The following COLEC12 variants were observed in gnomAD, a reference collection of about 807,000 sequenced individuals.
The protein encoded by COLEC12 is collectin-12.
In COLEC12, 33 loss-of-function variants were observed where a neutral mutation model predicts 71.1. That is an observed-to-expected ratio of 0.46 (90% CI 0.35 to 0.62). The LOEUF (loss-of-function observed/expected upper bound fraction) is 0.62. COLEC12 is among the 20% of genes least tolerant of loss of function. The pLI, the probability that COLEC12 is intolerant of heterozygous loss-of-function variation, is 0.00. For synonymous variants in COLEC12, 350 were observed against 353.0 expected, an observed-to-expected ratio of 0.99 and a Z score of 0.10; for missense variants, 765 against 916.1, an observed-to-expected ratio of 0.84 and a Z score of 2.13.
At chr18:352,791 A>C (rs912877605) in intron 3 of COLEC12, among the ~76,000 whole-genome samples, 1 of 152,186 alleles carries the variant, frequency 6.6e-6, no homozygotes, top group Non-Finnish European at 1.5e-5. Context: ...ACCAATTCTC[A>C]ATCAGGAATA....
intron 2 of COLEC12, among the ~76,000 whole-genome samples, chr18:394,253 G>A (rs1915522084): frequency 6.6e-6 from 1 of 152,236 alleles, no homozygotes; most frequent in South Asian, 2.1e-4. Flanking sequence ...AGAAAGGAGG[G>A]TGGGAGGCAA....
At chr18:340,551 C>T (rs1046495701) in intron 5 of COLEC12, among the ~76,000 whole-genome samples, 1 of 152,328 alleles carries the variant, frequency 6.6e-6, no homozygotes, top group Non-Finnish European at 1.5e-5. Flanking sequence ...AGCCCAGTTT[C>T]CTACCCAAGA....
intron 2 of COLEC12, among the ~76,000 whole-genome samples, chr18:372,342 C>A (rs1395176616): frequency 6.6e-6 from 1 of 152,182 alleles, no homozygotes; most frequent in African/African-American, 2.4e-5. Context: ...GCAATCCAAA[C>A]CCTTGAAGTT....
intron 2 of COLEC12, among the ~76,000 whole-genome samples, chr18:429,620 G>C (rs936605429): frequency 6.6e-6 from 1 of 151,988 alleles, no homozygotes; most frequent in African/African-American, 2.4e-5. Context: ...GACCTCAAGC[G>C]AACCGCCCCC....
intron 1 of COLEC12, among the ~76,000 whole-genome samples, chr18:494,732 T>A (rs1169636238): frequency 1.3e-5 from 2 of 152,220 alleles, no homozygotes; most frequent in Non-Finnish European, 2.9e-5. Context: ...TCCTAACATT[T>A]CTCTGTCATA....
At chr18:498,363 C>CTTTTCTTTTTTT (rs1917752250) in intron 1 of COLEC12, among the ~76,000 whole-genome samples, 1 of 100,762 alleles carries the variant, frequency 9.9e-6, no homozygotes, top group Non-Finnish European at 1.9e-5. Flanking sequence ...TATTTTTTTT[C>CTTTTCTTTTTTT]TTTTTTTTTT....
chr18:406,260 A>G (rs1163567566), intron 2 of COLEC12, among the ~76,000 whole-genome samples: 3 of 152,192 alleles, frequency 2.0e-5, no homozygotes, highest in African/African-American at 7.2e-5. Context: ...CTGTAATCCC[A>G]GCACTTTGGG....
chr18:369,369 C>T (rs546832821), intron 2 of COLEC12, among the ~76,000 whole-genome samples: 7 of 150,594 alleles, frequency 4.6e-5, no homozygotes, highest in African/African-American at 7.3e-5. Context: ...TTTCCTTCCC[C>T]GGAGGTGATA....
chr18:353,849 G>C (rs1301474601), intron 3 of COLEC12, among the ~76,000 whole-genome samples: 1 of 152,182 alleles, frequency 6.6e-6, no homozygotes, highest in Non-Finnish European at 1.5e-5. Flanking sequence ...CAGAAATACA[G>C]AAAATCTGAT....
At chr18:323,521 A>C (rs1001398216) in intron 8 of COLEC12, among the ~76,000 whole-genome samples, 3 of 152,240 alleles carry the variant, frequency 2.0e-5, no homozygotes, top group Non-Finnish European at 4.4e-5. Context: ...AGCCTGTGAC[A>C]ATCTCAGCCT....
At chr18:415,663 G>A (rs570687521) in intron 2 of COLEC12, among the ~76,000 whole-genome samples, 3 of 152,250 alleles carry the variant, frequency 2.0e-5, no homozygotes, top group Non-Finnish European at 2.9e-5. Flanking sequence ...CTGTATGTAC[G>A]AAGTCATGAC....
chr18:389,370 C>A (rs1915413736), intron 2 of COLEC12, among the ~76,000 whole-genome samples: 1 of 151,742 alleles, frequency 6.6e-6, no homozygotes, highest in African/African-American at 2.4e-5. Context: ...GCTCCGCCTC[C>A]CAGGTTCAAG....
rs1335981019 is a variant in COLEC12, at chr18:381,853, T to A, written c.59-24331A>T. 2.0e-5 allele frequency among the ~76,000 whole-genome samples: 3 copies of A among 152,234 alleles called. No homozygotes were observed. In the East Asian group the frequency reaches 5.8e-4, roughly 29 times the overall value. On this transcript the variant is annotated intron_variant, in intron 2 of 9. Coordinates refer to ENST00000400256, the MANE Select transcript of COLEC12 (RefSeq NM_130386.3). ...AGATATATCCCTATGATATACATAG[T>A]TTCAAGTAAAATAAAGCAAGTTGCT... is the stretch of plus-strand genomic sequence containing the variant.
Position 470,594 on chromosome 18 carries a change from AT to A in COLEC12, c.58+10112del, listed in dbSNP as rs974980432. Among the ~76,000 whole-genome samples, 69 of 151,494 alleles carry A rather than the reference AT, an allele frequency of 4.6e-4. 1 individual carries two copies. The South Asian group carries it at 0.012, about 26-fold the overall frequency. ...AGACCCTGTCTCTAAAAAAAAAAAAATTTTTTTTTAATTAACCAGGCATGGT... is the reference window on the plus strand; with the variant it reads ...AGACCCTGTCTCTAAAAAAAAAAAAATTTTTTTTAATTAACCAGGCATGGT... On this transcript the variant is annotated intron_variant, in intron 2 of 9. Transcript: ENST00000400256.
chr18:419,192 TA>T (rs1916047953), intron 2 of COLEC12, among the ~76,000 whole-genome samples: 3 of 151,142 alleles, frequency 2.0e-5, no homozygotes, highest in Non-Finnish European at 4.4e-5. Flanking sequence ...TATTCTATTC[TA>T]TTCTATTCTA....
chr18:339,464 A>G (rs1914195702), intron 5 of COLEC12, among the ~76,000 whole-genome samples: 1 of 152,212 alleles, frequency 6.6e-6, no homozygotes, highest in African/African-American at 2.4e-5. Flanking sequence ...GGAAGGGAGT[A>G]AATATCGGGG....
chr18:484,289 C>A (rs1917479440), intron 1 of COLEC12, among the ~76,000 whole-genome samples: 1 of 152,192 alleles, frequency 6.6e-6, no homozygotes, highest in Non-Finnish European at 1.5e-5. Context: ...CCTGCTTCTA[C>A]CTCCAAATTA....
chr18:485,640 G>C (rs575308475), intron 1 of COLEC12, among the ~76,000 whole-genome samples: 2 of 152,350 alleles, frequency 1.3e-5, no homozygotes, highest in African/African-American at 4.8e-5. Context: ...TTTTATGACA[G>C]AGAATGTTGA....
chr18:346,075 C>T lies in COLEC12; in HGVS notation c.1327+220G>A, dbSNP rs946671307. Among the ~76,000 whole-genome samples, 1 of 152,224 alleles carries T rather than the reference C, an allele frequency of 6.6e-6. No homozygotes were observed. Among genetic ancestry groups the T allele is most frequent in the African/African-American group, 2.4e-5 (1 of 41,458 alleles). ...ACTTAAGTAGCAGACCCTCCAGCCA[C>T]AGTCAAGCCTTCAGATGACTGCAGC... On this transcript the variant is annotated intron_variant, in intron 5 of 9. Transcript: ENST00000400256. This position sits in a 1 kb window ranked among gnomAD's most constrained non-coding sequence, Gnocchi z 4.0.
Sources: gnomAD v4.1 joint callset for allele counts (sites outside exome capture counted in the v4.1 genomes callset) on GRCh38, gnomAD v4.1.1 for gene constraint, Gnocchi (gnomAD v3.1) non-coding constraint, MANE v1.5 for transcripts, NCBI Gene and HGNC (gene_info 2026-07-23, HGNC 2026-07-21) for gene names.